SCN4A: variants seen among roughly 807,000 people sequenced by gnomAD.
SCN4A encodes the protein sodium channel protein type 4 subunit alpha.
Under a neutral mutation model 162.0 loss-of-function variants are expected in SCN4A, and 83 were observed. The ratio of observed to expected loss-of-function variants is 0.51; its 90% CI spans 0.43 to 0.61. The LOEUF is 0.61. Among genes scored for constraint, SCN4A ranks in the 20% least tolerant of loss-of-function variants. The probability of loss-of-function intolerance (pLI) is 0.00; values close to 1 mark genes in which losing one functional copy is unlikely to be tolerated. For synonymous variants in SCN4A, 944 were observed against 985.1 expected (o/e 0.96, Z 0.78); for missense variants, 2,196 against 2,462.5 (o/e 0.89, Z 2.29).
At position 63,940,552 on chromosome 17, in the gene SCN4A, C is replaced by T. The variant is rs1908484421; in HGVS notation, c.*219G>A. ...ATCTTGGAGGCAGGGGCCTCAGACC[C>T]AGCATGGAGCCCCTGAGCGCAATTC... On this transcript the variant is annotated 3_prime_UTR_variant, in exon 24 of 24. Coordinates refer to ENST00000435607, the MANE Select transcript of SCN4A (RefSeq NM_000334.4). 9.9e-6 allele frequency: 5 copies of T among 506,766 alleles called. No individual in the cohort carries two copies. In the East Asian group the frequency reaches 1.5e-4, roughly 16 times the overall value. 31.4% of individuals were successfully genotyped at this position (506,766 alleles called of 1,614,324 possible).
At position 63,945,180 on chromosome 17, in the gene SCN4A, C is replaced by G. The variant is rs1908672570; in HGVS notation, c.3721-120G>C. ...CCAGAGGCCGCCTGCCAGAGCCCCA[C>G]TGGGCTAGCATCAAATAAAGACCAG... On this transcript the variant is annotated intron_variant, in intron 19 of 23. Transcript: ENST00000435607. This position sits in a 1 kb window ranked among gnomAD's most constrained non-coding sequence, Gnocchi z 4.4. 9.0e-7 allele frequency: 1 copy of G among 1,109,904 alleles called. No individual in the cohort carries two copies. The highest frequency in any genetic ancestry group is 1.3e-6 in the Non-Finnish European group (1 of 752,344). 68.8% of individuals were successfully genotyped at this position (1,109,904 alleles called of 1,614,324 possible). A position where few individuals can be genotyped will look rare whatever the true frequency, so the allele number is the denominator to read the frequency against.
rs116306098 is a variant in SCN4A at position 63,945,310 on chromosome 17, G to C, written c.3720+50C>G. The C allele has an allele frequency of 5.6e-3, 8,401 of 1,513,556 alleles. 410 individuals carry two copies. In the African/African-American group the frequency reaches 0.099, roughly 18 times the overall value. 93.8% of individuals were successfully genotyped at this position (1,513,556 alleles called of 1,614,324 possible). A position where few individuals can be genotyped will look rare whatever the true frequency, so the allele number is the denominator to read the frequency against. On this transcript the variant is annotated intron_variant, in intron 19 of 23. Transcript: ENST00000435607. The surrounding 1 kb of genome is among the most constrained non-coding windows in gnomAD (Gnocchi z 4.4). ...TTGGGTACAACGAGAGGACCGGGGT[G>C]GGGGGCACCTCCATCCAGGTTCCCG...
Position 63,948,024 on chromosome 17 carries a change from G to A in SCN4A, c.3184C>T (p.Arg1062Cys), listed in dbSNP as rs1908782432. Residue 1062 changes from arginine to cysteine, a missense_variant, in exon 17 of 24, where the codon CGC (arginine) becomes TGC (cysteine). By Grantham distance (180) the Arg-to-Cys change is radical (BLOSUM62 -3). Transcript: ENST00000435607. ...TTGTCGGCATATTCTAGGATGGTGCGAATGACTCGCCGCTGCTCAATGTAG... is the reference window on the plus strand; with the variant it reads ...TTGTCGGCATATTCTAGGATGGTGCAAATGACTCGCCGCTGCTCAATGTAG... The part of the protein sequence containing the change: ...DIYIEQRRVI[R>C]TILEYADKVF... 4 of 1,612,988 alleles carry A rather than the reference G, an allele frequency of 2.5e-6. No homozygotes were observed. The highest frequency in any genetic ancestry group is 2.2e-5 in the East Asian group (1 of 44,842).
At position 63,941,754 on chromosome 17, in the gene SCN4A, CCTT is replaced by C; in HGVS notation, c.4525_4527del (p.Lys1509del). 1.9e-6 allele frequency: 3 copies of C among 1,614,114 alleles called. No homozygotes were observed. The highest frequency in any genetic ancestry group is 1.1e-5 in the South Asian group (1 of 91,074). On this transcript the variant is annotated inframe_deletion, in exon 24 of 24. Coordinates refer to ENST00000435607, the MANE Select transcript of SCN4A (RefSeq NM_000334.4). The surrounding 1 kb of genome is among the most constrained non-coding windows in gnomAD (Gnocchi z 6.2). The stretch of plus-strand genomic sequence containing the variant: ...TTGAACATATCATCGATGCCCGACT[CCTT>C]CTTGACGTAGGCAAAGTTGGACATG...
chr17:63,969,906 G>T (rs952039619), intron 5 of SCN4A, among the ~76,000 whole-genome samples: 4 of 152,066 alleles, frequency 2.6e-5, no homozygotes, highest in Non-Finnish European at 5.9e-5. Context: ...GCCTCCCAAA[G>T]TGCTGGGATT....
At chr17:63,967,895 T>A (rs1430880325) in intron 6 of SCN4A, 128 bp downstream of exon 6, 1 of 804,908 alleles carries the variant, frequency 1.2e-6, no homozygotes, top group African/African-American at 1.7e-5. Flanking sequence ...ATGGCACCTT[T>A]GCACTCCAGC....
At position 63,952,506 on chromosome 17, in the gene SCN4A, T is replaced by G. The variant is rs73992420; in HGVS notation, c.2377-606A>C. 3.1e-3 allele frequency among the ~76,000 whole-genome samples: 478 copies of G among 152,252 alleles called. 2 individuals are homozygous for G. Among genetic ancestry groups the G allele is most frequent in the African/African-American group, 0.011 (464 of 41,538 alleles). ...TTCTGGAGGATGCGGAACAAAGAACTGGGCTCAAGTCGCCGAGCTTCCAGG... is the reference window on the plus strand; with the variant it reads ...TTCTGGAGGATGCGGAACAAAGAACGGGGCTCAAGTCGCCGAGCTTCCAGG... On this transcript the variant is annotated intron_variant, in intron 13 of 23. Transcript: ENST00000435607.
intron 22 of SCN4A, 82 bp downstream of exon 22, chr17:63,943,663 AG>A: frequency 1.2e-6 from 1 of 844,554 alleles, no homozygotes; most frequent in Non-Finnish European, 1.9e-6. Flanking sequence ...GGTGGGTGGA[AG>A]GCAGGAAACC....
In SCN4A at chr17:63,961,283, G is replaced by A. The variant is rs1208231013; in HGVS notation, c.1755C>T (p.Thr585=). ...AGAGGGTGTTGAGCACGATGCAGAT[G>A]GTGATGCCCAGGTCCACGAACGGGT... is the stretch of plus-strand genomic sequence containing the variant. ...VMDPFVDLGI[T]ICIVLNTLFM... is the part of the protein sequence containing the mutation. The change falls in exon 11 of 24, where the codon ACC becomes ACT. Residue 585 remains threonine (T), a synonymous_variant. Coordinates refer to ENST00000435607, the MANE Select transcript of SCN4A (RefSeq NM_000334.4). 45 of 1,612,828 alleles carry A rather than the reference G, an allele frequency of 2.8e-5. No individual in the cohort carries two copies. The highest frequency in any genetic ancestry group is 3.1e-5 in the Non-Finnish European group (36 of 1,179,462).
At position 63,968,048 on chromosome 17, in the gene SCN4A, A is replaced by G. The variant is rs372791798; in HGVS notation, c.1011T>C (p.Asp337=). ...HASWATNDTF[D]WDAYISDEGN... ...CTTCATCACTGATGTAGGCGTCCCA[A>G]TCAAAGGTATCGTTGGTGGCCCAGC... is the stretch of plus-strand genomic sequence containing the variant. The change falls in exon 6 of 24, where the codon GAT becomes GAC. Residue 337 remains aspartate (D), a synonymous_variant. Coordinates refer to ENST00000435607, the MANE Select transcript of SCN4A (RefSeq NM_000334.4). 2.1e-4 allele frequency: 340 copies of G among 1,613,850 alleles called. 1 individual carries two copies. The African/African-American group carries it at 3.6e-3, about 17-fold the overall frequency.
In SCN4A at chr17:63,944,997, C is replaced by T. The variant is rs938015613; in HGVS notation, c.3774+10G>A. On this transcript the variant is annotated intron_variant, in intron 20 of 23. Coordinates refer to ENST00000435607, the MANE Select transcript of SCN4A (RefSeq NM_000334.4). The surrounding 1 kb of genome is among the most constrained non-coding windows in gnomAD (Gnocchi z 4.3). ...CGCTCACCAGCCACATCTCAGCGAC[C>T]CCGACTCACCTCCCGGGAGTCCACG... 5 of 1,613,594 alleles carry T rather than the reference C, an allele frequency of 3.1e-6. No homozygotes were observed. Among genetic ancestry groups the T allele is most frequent in the Non-Finnish European group, 4.2e-6 (5 of 1,179,594 alleles).
At chr17:63,962,132 CT>C (rs1451128166) in intron 10 of SCN4A, among the ~76,000 whole-genome samples, 1 of 152,236 alleles carries the variant, frequency 6.6e-6, no homozygotes, top group African/African-American at 2.4e-5. Flanking sequence ...CGCCCACCCC[CT>C]GCCAGAGGCC....
chr17:63,959,228 C>A, intron 12 of SCN4A, 37 bp downstream of exon 12: 1 of 1,584,346 alleles, frequency 6.3e-7, no homozygotes, highest in South Asian at 1.1e-5. Context: ...CTCACCCCAC[C>A]CCCATCCCAG....
At chr17:63,952,819 C>T (rs1389350309) in intron 13 of SCN4A, among the ~76,000 whole-genome samples, 1 of 152,132 alleles carries the variant, frequency 6.6e-6, no homozygotes, top group African/African-American at 2.4e-5. Context: ...CCCGTCACTG[C>T]ATGAATGGCC....
intron 13 of SCN4A, among the ~76,000 whole-genome samples, chr17:63,954,946 CCT>C (rs1428169300): frequency 3.3e-5 from 5 of 152,192 alleles, no homozygotes; most frequent in African/African-American, 9.7e-5. Flanking sequence ...TCCCTGAGCC[CCT>C]GTTTCCTCAT....
chr17:63,958,808 C>T (rs189209338), intron 12 of SCN4A, among the ~76,000 whole-genome samples: 1 of 152,372 alleles, frequency 6.6e-6, no homozygotes, highest in Non-Finnish European at 1.5e-5. Context: ...GCGCCTTGGC[C>T]TCCCAAAGTG....
chr17:63,941,767 G>C lies in SCN4A; in HGVS notation c.4515C>G (p.Ala1505=). 1 of 1,614,162 alleles carries C rather than the reference G, an allele frequency of 6.2e-7. No homozygotes were observed. Among genetic ancestry groups the C allele is most frequent in the East Asian group, 2.2e-5 (1 of 44,872 alleles). Residue 1505 remains alanine, a synonymous_variant, in exon 24 of 24, where the codon GCC becomes GCG. Coordinates refer to ENST00000435607, the MANE Select transcript of SCN4A (RefSeq NM_000334.4). The surrounding 1 kb of genome is among the most constrained non-coding windows in gnomAD (Gnocchi z 6.2). Reference sequence around the variant, plus strand: ...CGATGCCCGACTCCTTCTTGACGTAGGCAAAGTTGGACATGCCGAAGATGG... The same window carrying C: ...CGATGCCCGACTCCTTCTTGACGTACGCAAAGTTGGACATGCCGAAGATGG... The part of the protein sequence containing the change: ...IYSIFGMSNF[A]YVKKESGIDD...
At position 63,972,012 on chromosome 17, in the gene SCN4A, G is replaced by A; in HGVS notation, c.482+124C>T. On this transcript the variant is annotated intron_variant, in intron 3 of 23. Transcript: ENST00000435607. This position sits in a 1 kb window ranked among gnomAD's most constrained non-coding sequence, Gnocchi z 4.3. ...CATGGCCACCCCAGGGACTCAAGGT[G>A]TGGATGAGGGTCACAATGACAGTGT... 3.8e-6 allele frequency: 4 copies of A among 1,040,184 alleles called. No individual in the cohort carries two copies. Among genetic ancestry groups the A allele is most frequent in the Non-Finnish European group, 5.8e-6 (4 of 687,110 alleles). The allele number at this position is 1,040,184 out of a possible 1,614,324, so 64.4% of individuals were successfully genotyped here.
chr17:63,966,130 T>A lies in SCN4A; in HGVS notation c.1214A>T (p.Gln405Leu), dbSNP rs755915574. Residue 405 changes from glutamine (Q) to leucine (L), a missense_variant, in exon 8 of 24, where the codon CAG (glutamine) becomes CTG (leucine). By Grantham distance (113) the Gln-to-Leu change is moderately radical. Transcript: ENST00000435607. Reference protein sequence around the residue: ...AFLALFRLMTQDYWENLFQLT... With the variant: ...AFLALFRLMTLDYWENLFQLT... ...CTGGAAGAGGTTCTCCCAATAGTCC[T>A]GTGTCATGAGGCGGAAGAGAGCCAA... The A allele has an allele frequency of 6.3e-7, 1 of 1,588,742 alleles. No homozygotes were observed. Among genetic ancestry groups the A allele is most frequent in the East Asian group, 2.3e-5 (1 of 43,880 alleles).
Sources: allele counts gnomAD v4.1 joint callset (sites outside exome capture counted in the v4.1 genomes callset), GRCh38; gene constraint gnomAD v4.1.1; non-coding constraint Gnocchi (gnomAD v3.1); transcripts MANE v1.5; gene names NCBI Gene and HGNC (gene_info 2026-07-23, HGNC 2026-07-21).